Variants in ARFGEF2 observed in about 807,000 individuals in gnomAD.
The protein encoded by ARFGEF2 is ARF guanine nucleotide exchange factor 2.
ARFGEF2 carries 74 observed loss-of-function variants against 219.9 expected under a neutral mutation model. That is an observed-to-expected ratio of 0.34 (90% CI 0.28 to 0.41). ARFGEF2 has a LOEUF of 0.41. Ranked by LOEUF, ARFGEF2 falls within the 10% of genes least tolerant of loss-of-function variation. The probability of loss-of-function intolerance (pLI) is 1.00; values close to 1 mark genes in which losing one functional copy is unlikely to be tolerated. For synonymous variants in ARFGEF2, 733 were observed against 799.2 expected (o/e 0.92, Z 1.40); for missense variants, 1,743 against 2,218.3 (o/e 0.79, Z 4.30).
At chr20:49,022,437 AAAAAC>A (rs2091571523) in intron 34 of ARFGEF2, among the ~76,000 whole-genome samples, 1 of 144,258 alleles carries the variant, frequency 6.9e-6, no homozygotes, top group Non-Finnish European at 1.5e-5. Flanking sequence ...AACAAAAAAA[AAAAAC>A]CCACAAGCTT....
intron 6 of ARFGEF2, among the ~76,000 whole-genome samples, chr20:48,960,670 G>A (rs113779424): frequency 0.072 from 10,886 of 151,506 alleles, 1,238 homozygotes; most frequent in African/African-American, 0.24. Flanking sequence ...TTTTGGTAGA[G>A]ACTGGGTTTC....
intron 26 of ARFGEF2, 82 bp downstream of exon 26, chr20:49,005,303 T>TA: frequency 6.4e-7 from 1 of 1,555,118 alleles, no homozygotes; most frequent in South Asian, 1.1e-5. Context: ...ACCACATGAT[T>TA]AATTTTTTTC....
Position 49,010,390 on chromosome 20 carries a change from C to T in ARFGEF2, c.3743C>T (p.Thr1248Ile). 1 of 1,614,022 alleles carries T rather than the reference C, an allele frequency of 6.2e-7. No individual in the cohort carries two copies. The highest frequency in any genetic ancestry group is 2.2e-5 in the East Asian group (1 of 44,890). The change falls in exon 27 of 39, where the codon ACT becomes ATT. Residue 1248 changes from threonine (T) to isoleucine (I), a missense_variant. Thr to Ile is a moderately conservative substitution (Grantham distance 89, BLOSUM62 -1). Around this residue, in one of 5 missense-constraint regions of ARFGEF2, gnomAD observed 578 missense variants for 664.0 expected, o/e 0.87. Coordinates refer to ENST00000371917, the MANE Select transcript of ARFGEF2 (RefSeq NM_006420.3). Reference protein sequence around the residue: ...GNIVELAFQTTCHIVTTIFQH... With the variant: ...GNIVELAFQTICHIVTTIFQH... ...ATTGTGGAGCTGGCCTTCCAGACCACTTGCCACATTGTCAGTAAGTGGCTC... is the reference window on the plus strand; with the variant it reads ...ATTGTGGAGCTGGCCTTCCAGACCATTTGCCACATTGTCAGTAAGTGGCTC...
chr20:48,946,037 G>T (rs1453302431), intron 3 of ARFGEF2, among the ~76,000 whole-genome samples: 1 of 152,194 alleles, frequency 6.6e-6, no homozygotes, highest in Non-Finnish European at 1.5e-5. Flanking sequence ...TGGAAAAAAT[G>T]TACTTCCCCA....
intron 14 of ARFGEF2, among the ~76,000 whole-genome samples, chr20:48,980,733 G>A (rs2091290342): frequency 6.6e-6 from 1 of 152,132 alleles, no homozygotes; most frequent in African/African-American, 2.4e-5. Flanking sequence ...TTACCATTAT[G>A]TAATGGCCTT....
chr20:48,961,515 CT>C (rs2091151234), intron 6 of ARFGEF2, among the ~76,000 whole-genome samples: 1 of 148,146 alleles, frequency 6.8e-6, no homozygotes, highest in South Asian at 2.4e-4. Flanking sequence ...CTGCCTGAGA[CT>C]TTTTTACAGC....
intron 36 of ARFGEF2, among the ~76,000 whole-genome samples, chr20:49,027,484 G>A (rs947484376): frequency 6.6e-6 from 1 of 152,032 alleles, no homozygotes; most frequent in African/African-American, 2.4e-5. Context: ...ATCACTTAAA[G>A]TCAGGGGTTC....
rs370603045 is a variant in ARFGEF2, at chr20:48,970,479, A to C, written c.1191-641A>C. Among the ~76,000 whole-genome samples the C allele has an allele frequency of 9.9e-5, 15 of 151,902 alleles. 1 individual carries two copies. The highest frequency in any genetic ancestry group is 8.3e-4 in the South Asian group (4 of 4,808). ...CAAAAAATTAGCCGGGCATGGTGGC[A>C]GGCGCCTGTAATCCCAGCTACTCTG... On this transcript the variant is annotated intron_variant, in intron 9 of 38. Transcript: ENST00000371917.
At chr20:48,982,157 A>G (rs1285067136) in intron 14 of ARFGEF2, among the ~76,000 whole-genome samples, 2 of 152,002 alleles carry the variant, frequency 1.3e-5, no homozygotes, top group Non-Finnish European at 2.9e-5. Context: ...TGACCTACAG[A>G]TGGGGTTTTG....
chr20:48,941,775 A>T, intron 2 of ARFGEF2, 89 bp from the exon 3 acceptor site: 1 of 1,593,044 alleles, frequency 6.3e-7, no homozygotes, highest in Non-Finnish European at 8.6e-7. Context: ...CAGGCACTTT[A>T]AATTAAATGG....
chr20:48,971,088 G>C, intron 9 of ARFGEF2, 32 bp from the exon 10 acceptor site: 1 of 1,576,834 alleles, frequency 6.3e-7, no homozygotes, highest in Non-Finnish European at 8.7e-7. Flanking sequence ...TTTTCTTTTA[G>C]CACTGTTGTG....
At chr20:49,014,900 C>G (rs1210740947) in intron 30 of ARFGEF2, among the ~76,000 whole-genome samples, 1 of 152,180 alleles carries the variant, frequency 6.6e-6, no homozygotes, top group Non-Finnish European at 1.5e-5. Context: ...TTTAAACACT[C>G]ACAGTTGCGG....
At chr20:48,952,464 T>G (rs1280622139) in intron 4 of ARFGEF2, among the ~76,000 whole-genome samples, 3 of 152,208 alleles carry the variant, frequency 2.0e-5, no homozygotes, top group Non-Finnish European at 4.4e-5. Context: ...TTCAACACAA[T>G]TTAATTGTTT....
intron 35 of ARFGEF2, among the ~76,000 whole-genome samples, chr20:49,023,469 G>A (rs1015461807): frequency 6.6e-6 from 1 of 151,652 alleles, no homozygotes; most frequent in African/African-American, 2.4e-5. Flanking sequence ...CACCCCACTA[G>A]TGTTAGTTAT....
chr20:49,002,211 C>G (rs115121685), intron 25 of ARFGEF2, among the ~76,000 whole-genome samples: 2,049 of 152,230 alleles, frequency 0.013, 55 homozygotes, highest in African/African-American at 0.046. Context: ...GCACACCAGT[C>G]TGGGTGACGA....
chr20:48,930,371 C>T (rs530083582), intron 1 of ARFGEF2, among the ~76,000 whole-genome samples: 42 of 152,340 alleles, frequency 2.8e-4, no homozygotes, highest in Admixed American at 5.2e-4. Flanking sequence ...TTCAAACCAT[C>T]GCAGGCAGTT....
At chr20:49,026,233 A>G (rs1179331837) in intron 36 of ARFGEF2, among the ~76,000 whole-genome samples, 1 of 152,072 alleles carries the variant, frequency 6.6e-6, no homozygotes, top group Admixed American at 6.6e-5. Context: ...CAGGAGGCTG[A>G]GGTGGGAGAA....
chr20:48,991,115 A>C lies in ARFGEF2; in HGVS notation c.2890A>C (p.Lys964Gln). The part of the protein sequence containing the change: ...LTASSSITEM[K>Q]QKNIDTIKTL... ...AGCCAGCTCCAGCATCACAGAAATG[A>C]AGCAGAAAAACATCGACACCATTAA... The change falls in exon 21 of 39, where the codon AAG becomes CAG. Residue 964 changes from lysine to glutamine, a missense_variant. This residue lies in a region of ARFGEF2 where 666 missense variants were observed against 955.4 expected (regional missense o/e 0.70). Transcript: ENST00000371917. 1 of 1,614,184 alleles carries C rather than the reference A, an allele frequency of 6.2e-7. No individual in the cohort carries two copies. Among genetic ancestry groups the C allele is most frequent in the Admixed American group, 1.7e-5 (1 of 60,018 alleles).
rs780037956 is a variant in ARFGEF2, at chr20:49,025,499, A to G, written c.4924+18A>G. Reference sequence around the variant, plus strand: ...GCGAGCAGGTAAGGCCACACAGCAGATAAGATAGATGGCCACACTGGTCAC... The same window carrying G: ...GCGAGCAGGTAAGGCCACACAGCAGGTAAGATAGATGGCCACACTGGTCAC... On this transcript the variant is annotated intron_variant, in intron 36 of 38. Transcript: ENST00000371917. 97 of 1,613,464 alleles carry G rather than the reference A, an allele frequency of 6.0e-5. No homozygotes were observed. The highest frequency in any genetic ancestry group is 8.0e-5 in the Non-Finnish European group (94 of 1,179,930).
Sources: allele counts gnomAD v4.1 joint callset (sites outside exome capture counted in the v4.1 genomes callset), GRCh38; gene constraint gnomAD v4.1.1; regional missense constraint gnomAD v4.1.1; transcripts MANE v1.5; gene names NCBI Gene and HGNC (gene_info 2026-07-23, HGNC 2026-07-21).